PLCXD3: variants seen among roughly 807,000 people sequenced by gnomAD.
The protein encoded by PLCXD3 is PI-PLC X domain-containing protein 3.
Under a neutral mutation model 25.5 loss-of-function variants are expected in PLCXD3, and 19 were observed. The ratio of observed to expected loss-of-function variants is 0.75; its 90% CI spans 0.52 to 1.09. The LOEUF (loss-of-function observed/expected upper bound fraction) is 1.09. Among genes scored for constraint, PLCXD3 ranks in the 50% least tolerant of loss-of-function variants. The probability of loss-of-function intolerance (pLI) is 0.00; values close to 1 mark genes in which losing one functional copy is unlikely to be tolerated. For missense variants in PLCXD3, 411 were observed against 388.1 expected (o/e 1.06, Z -0.50); for synonymous variants, 174 against 137.6 (o/e 1.26, Z -1.85).
intron 2 of PLCXD3, among the ~76,000 whole-genome samples, chr5:41,381,111 T>C (rs912111401): frequency 6.6e-6 from 1 of 152,174 alleles, no homozygotes; most frequent in Non-Finnish European, 1.5e-5. Context: ...TTGAACCTCA[T>C]TTTTTAAATC....
chr5:41,397,752 T>G (rs1172443545), intron 1 of PLCXD3, among the ~76,000 whole-genome samples: 2 of 152,216 alleles, frequency 1.3e-5, no homozygotes, highest in African/African-American at 4.8e-5. Flanking sequence ...GTCACAGATG[T>G]GGAACTACCA....
At chr5:41,402,788 A>T (rs182054675) in intron 1 of PLCXD3, among the ~76,000 whole-genome samples, 227 of 136,668 alleles carry the variant, frequency 1.7e-3, no homozygotes, top group Non-Finnish European at 2.7e-3. Flanking sequence ...TAATCTCTTT[A>T]ATATGAAAAG....
At chr5:41,426,199 T>G (rs933283123) in intron 1 of PLCXD3, among the ~76,000 whole-genome samples, 3 of 152,190 alleles carry the variant, frequency 2.0e-5, no homozygotes, top group Non-Finnish European at 4.4e-5. Context: ...TTTTCTGACT[T>G]ATGATGTGGA....
intron 1 of PLCXD3, among the ~76,000 whole-genome samples, chr5:41,508,435 C>T (rs1738932274): frequency 6.6e-6 from 1 of 152,228 alleles, no homozygotes; most frequent in Non-Finnish European, 1.5e-5. Flanking sequence ...GGGGTCAGAT[C>T]CCTGAACTGA....
intron 2 of PLCXD3, among the ~76,000 whole-genome samples, chr5:41,354,899 A>G (rs550471369): frequency 1.3e-5 from 2 of 152,330 alleles, no homozygotes; most frequent in African/African-American, 4.8e-5. Flanking sequence ...CCCTTATAAT[A>G]TGAACCATTA....
In PLCXD3 at chr5:41,382,308, G is replaced by C; in HGVS notation, c.330C>G (p.Leu110=). 3 of 1,613,614 alleles carry C rather than the reference G, an allele frequency of 1.9e-6. No homozygotes were observed. The highest frequency in any genetic ancestry group is 2.5e-6 in the Non-Finnish European group (3 of 1,179,738). ...CACTGAACAAACCATGAGCAAAATA[G>C]AGTTCATTGTCGGGGTCTCTGGGCT... ...STKPRDPDNE[L]YFAHGLFSAK... The change falls in exon 2 of 3, where the codon CTC becomes CTG. Residue 110 remains leucine, a synonymous_variant. Coordinates refer to ENST00000377801, the MANE Select transcript of PLCXD3 (RefSeq NM_001005473.3).
chr5:41,338,495 C>G (rs779905675), intron 2 of PLCXD3, among the ~76,000 whole-genome samples: 1 of 152,160 alleles, frequency 6.6e-6, no homozygotes, highest in Non-Finnish European at 1.5e-5. Flanking sequence ...ATCTAGTGGA[C>G]TTGGTGTTCT....
chr5:41,480,506 G>T (rs1656148303), intron 1 of PLCXD3, among the ~76,000 whole-genome samples: 2 of 151,706 alleles, frequency 1.3e-5, no homozygotes, highest in East Asian at 3.9e-4. Context: ...ACAATTCAGG[G>T]TTTAAGGCAT....
intron 1 of PLCXD3, among the ~76,000 whole-genome samples, chr5:41,410,841 C>T (rs1187017985): frequency 6.6e-6 from 1 of 152,212 alleles, no homozygotes. Context: ...CACATCTTCC[C>T]TATTCCTCTG....
Position 41,382,433 on chromosome 5 carries a change from C to G in PLCXD3, c.205G>C (p.Ala69Pro), listed in dbSNP as rs768841935. 5.0e-6 allele frequency: 8 copies of G among 1,613,282 alleles called. No individual in the cohort carries two copies. Among genetic ancestry groups the G allele is most frequent in the Non-Finnish European group, 6.8e-6 (8 of 1,179,708 alleles). The change falls in exon 2 of 3, where the codon GCC becomes CCC. Residue 69 changes from alanine (A) to proline (P), a missense_variant. Coordinates refer to ENST00000377801, the MANE Select transcript of PLCXD3 (RefSeq NM_001005473.3). Reference protein sequence around the residue: ...QNFVSVFGTVAKKLMRKWLAT... With the variant: ...QNFVSVFGTVPKKLMRKWLAT... The stretch of plus-strand genomic sequence containing the variant: ...AACCATTTCCGCATGAGCTTTTTGG[C>G]CACAGTTCCAAACACAGAGACAAAA...
chr5:41,471,116 T>C (rs1407956275), intron 1 of PLCXD3, among the ~76,000 whole-genome samples: 1 of 151,986 alleles, frequency 6.6e-6, no homozygotes, highest in Non-Finnish European at 1.5e-5. Context: ...TAGAACAAGA[T>C]GGAATAATAG....
At chr5:41,348,658 T>C (rs867450036) in intron 2 of PLCXD3, among the ~76,000 whole-genome samples, 5 of 152,148 alleles carry the variant, frequency 3.3e-5, no homozygotes, top group African/African-American at 1.2e-4. Context: ...TTTGTTTGTT[T>C]GTTTGTTTGT....
intron 1 of PLCXD3, among the ~76,000 whole-genome samples, chr5:41,392,526 A>G (rs1314312599): frequency 6.6e-6 from 1 of 152,196 alleles, no homozygotes; most frequent in Non-Finnish European, 1.5e-5. Flanking sequence ...CCTAAAGCAG[A>G]TACCACTTAG....
chr5:41,453,387 G>A (rs770100596), intron 1 of PLCXD3, among the ~76,000 whole-genome samples: 2 of 150,508 alleles, frequency 1.3e-5, no homozygotes, highest in Non-Finnish European at 3.0e-5. Context: ...CATGGCAATT[G>A]GTTTCCTCAA....
chr5:41,412,254 G>A (rs906876207), intron 1 of PLCXD3, among the ~76,000 whole-genome samples: 5 of 152,026 alleles, frequency 3.3e-5, no homozygotes, highest in African/African-American at 9.7e-5. Context: ...ATGTTTTTCC[G>A]TAGTATTACA....
At chr5:41,359,883 C>A (rs1214529369) in intron 2 of PLCXD3, among the ~76,000 whole-genome samples, 2 of 152,144 alleles carry the variant, frequency 1.3e-5, no homozygotes, top group African/African-American at 2.4e-5. Flanking sequence ...TTCTAGATCT[C>A]TAGCAAAACT....
intron 1 of PLCXD3, among the ~76,000 whole-genome samples, chr5:41,392,210 G>A (rs1745847729): frequency 6.6e-6 from 1 of 152,156 alleles, no homozygotes; most frequent in Non-Finnish European, 1.5e-5. Flanking sequence ...AGTGAACATA[G>A]CCAAGGAGTG....
At chr5:41,322,494 T>C (rs1479100386) in intron 2 of PLCXD3, among the ~76,000 whole-genome samples, 1 of 152,088 alleles carries the variant, frequency 6.6e-6, no homozygotes, top group Non-Finnish European at 1.5e-5. Context: ...TGGAGAACAG[T>C]TTGGAGGTTC....
intron 1 of PLCXD3, among the ~76,000 whole-genome samples, chr5:41,468,191 T>A (rs1748069850): frequency 6.6e-6 from 1 of 151,978 alleles, no homozygotes; most frequent in African/African-American, 2.4e-5. Context: ...CTGATTTTTG[T>A]ATTTTTAGTA....
Sources: gnomAD v4.1 joint callset for allele counts (sites outside exome capture counted in the v4.1 genomes callset) on GRCh38, gnomAD v4.1.1 for gene constraint, MANE v1.5 for transcripts, NCBI Gene and HGNC (gene_info 2026-07-23, HGNC 2026-07-21) for gene names.